Variants in SPTLC2 observed in about 807,000 individuals in gnomAD.
The protein encoded by SPTLC2 is serine palmitoyltransferase long chain base subunit 2.
In SPTLC2, 21 loss-of-function variants were observed where a neutral mutation model predicts 62.0. The ratio of observed to expected loss-of-function variants is 0.34; its 90% CI spans 0.24 to 0.49. The LOEUF (loss-of-function observed/expected upper bound fraction) is 0.49. SPTLC2 is among the 20% of genes least tolerant of loss of function. The pLI is 0.99. For missense variants in SPTLC2, 511 were observed against 713.0 expected, an observed-to-expected ratio of 0.72 and a Z score of 3.23; for synonymous variants, 261 against 261.8, an observed-to-expected ratio of 1.00 and a Z score of 0.03.
At chr14:77,545,086 T>C (rs2079520737) in intron 9 of SPTLC2, among the ~76,000 whole-genome samples, 1 of 152,148 alleles carries the variant, frequency 6.6e-6, no homozygotes, top group Non-Finnish European at 1.5e-5. Flanking sequence ...TTATCATGTT[T>C]CACAAGTGAC....
intron 4 of SPTLC2, among the ~76,000 whole-genome samples, chr14:77,575,445 C>T (rs1486773540): frequency 6.6e-6 from 1 of 152,120 alleles, no homozygotes; most frequent in Non-Finnish European, 1.5e-5. Context: ...CTGACCTTAG[C>T]GACGCTTTGG....
intron 2 of SPTLC2, among the ~76,000 whole-genome samples, chr14:77,592,927 C>T (rs918452478): frequency 6.6e-6 from 1 of 152,000 alleles, no homozygotes; most frequent in African/African-American, 2.4e-5. Context: ...CATGGTGAAA[C>T]CTTGTATCTA....
In SPTLC2 at chr14:77,576,892, C is replaced by G. The variant is rs75565823; in HGVS notation, c.506G>C (p.Gly169Ala). 7.7e-4 allele frequency: 1,239 copies of G among 1,614,028 alleles called. 12 individuals are homozygous for G. In the African/African-American group the frequency reaches 0.013, roughly 17 times the overall value. ...GTTGTAGGAACCCATGTTTATAACACCCTTTATTATATTCCCTGTATACCT... is the reference window on the plus strand; with the variant it reads ...GTTGTAGGAACCCATGTTTATAACAGCCTTTATTATATTCCCTGTATACCT... ...SFKYTGNIIK[G>A]VINMGSYNYL... Residue 169 changes from glycine to alanine, a missense_variant, in exon 4 of 12, where the codon GGT becomes GCT. Coordinates refer to ENST00000216484, the MANE Select transcript of SPTLC2 (RefSeq NM_004863.4).
chr14:77,568,070 G>A (rs1160405738), intron 5 of SPTLC2, among the ~76,000 whole-genome samples: 3 of 152,074 alleles, frequency 2.0e-5, no homozygotes, highest in Non-Finnish European at 2.9e-5. Flanking sequence ...TTTGGGATTA[G>A]GAATGCTCAA....
At chr14:77,591,191 C>A (rs925119261) in intron 2 of SPTLC2, among the ~76,000 whole-genome samples, 1 of 152,122 alleles carries the variant, frequency 6.6e-6, no homozygotes, top group Non-Finnish European at 1.5e-5. Context: ...ATACATTACG[C>A]CAAGTGAAAG....
chr14:77,536,610 C>A (rs1026027690), intron 9 of SPTLC2, among the ~76,000 whole-genome samples: 2 of 152,058 alleles, frequency 1.3e-5, no homozygotes, highest in Non-Finnish European at 2.9e-5. Flanking sequence ...TCCTTCCAGC[C>A]TATAGGCCGA....
intron 10 of SPTLC2, among the ~76,000 whole-genome samples, chr14:77,520,718 G>A (rs955317038): frequency 6.6e-5 from 10 of 152,166 alleles, no homozygotes; most frequent in Admixed American, 3.3e-4. Context: ...CTATCCTAGG[G>A]CAGGGCTTTC....
intron 1 of SPTLC2, among the ~76,000 whole-genome samples, chr14:77,598,735 C>T (rs918282728): frequency 1.3e-5 from 2 of 152,058 alleles, no homozygotes; most frequent in Non-Finnish European, 2.9e-5. Flanking sequence ...AGTTTGAGAC[C>T]AGCCTGGGCA....
intron 7 of SPTLC2, 70 bp downstream of exon 7, chr14:77,556,971 C>A: frequency 7.9e-7 from 1 of 1,258,530 alleles, no homozygotes; most frequent in Non-Finnish European, 1.2e-6. Flanking sequence ...ACTAATGTTC[C>A]CTTCAGTTAA....
At chr14:77,591,154 C>T (rs1015005641) in intron 2 of SPTLC2, among the ~76,000 whole-genome samples, 12 of 152,228 alleles carry the variant, frequency 7.9e-5, no homozygotes, top group Admixed American at 3.3e-4. Context: ...AATGAAGTAC[C>T]GATACATGCT....
intron 2 of SPTLC2, among the ~76,000 whole-genome samples, chr14:77,580,497 T>C (rs974620686): frequency 7.2e-6 from 1 of 139,380 alleles, no homozygotes; most frequent in African/African-American, 2.7e-5. Context: ...AAAAAATGGT[T>C]ATAGGAAGCC....
In SPTLC2 at chr14:77,508,885, A is replaced by G. The variant is rs1326855976; in HGVS notation, c.*3399T>C. 6.6e-6 allele frequency: 1 copy of G among 152,222 alleles called. No individual in the cohort carries two copies. The highest frequency in any genetic ancestry group is 1.5e-5 in the Non-Finnish European group (1 of 68,042). The allele number at this position is 152,222 out of a possible 1,614,324, so 9.4% of individuals were successfully genotyped here. On this transcript the variant is annotated 3_prime_UTR_variant, in exon 12 of 12. Coordinates refer to ENST00000216484, the MANE Select transcript of SPTLC2 (RefSeq NM_004863.4). Reference sequence around the variant, plus strand: ...TATCTTCAAAGCCCAGCACCACCATATATTGGTTTTCTCTAGAGTTGGAAT... The same window carrying G: ...TATCTTCAAAGCCCAGCACCACCATGTATTGGTTTTCTCTAGAGTTGGAAT...
chr14:77,614,727 T>C lies in SPTLC2; in HGVS notation c.132+1721A>G, dbSNP rs146019178. 2.1e-3 allele frequency among the ~76,000 whole-genome samples: 311 copies of C among 149,508 alleles called. 2 individuals are homozygous for C. The highest frequency in any genetic ancestry group is 3.2e-3 in the Non-Finnish European group (217 of 67,428). On this transcript the variant is annotated intron_variant, in intron 1 of 11. Coordinates refer to ENST00000216484, the MANE Select transcript of SPTLC2 (RefSeq NM_004863.4). ...CTGGTGCGCCTGTAATCCCAGCACTTTTGGAGGCCAAGGCAGGCCAATCAC... is the reference window on the plus strand; with the variant it reads ...CTGGTGCGCCTGTAATCCCAGCACTCTTGGAGGCCAAGGCAGGCCAATCAC...
chr14:77,616,460 G>T lies in SPTLC2; in HGVS notation c.120C>A (p.Ala40=). 1.3e-6 allele frequency: 2 copies of T among 1,484,860 alleles called. No homozygotes were observed. Among genetic ancestry groups the T allele is most frequent in the Non-Finnish European group, 1.8e-6 (2 of 1,123,450 alleles). The allele number at this position is 1,484,860 out of a possible 1,614,324, so 92.0% of individuals were successfully genotyped here. A position where few individuals can be genotyped will look rare whatever the true frequency, so the allele number is the denominator to read the frequency against. Residue 40 remains alanine, a synonymous_variant, in exon 1 of 12, where the codon GCC becomes GCA. Coordinates refer to ENST00000216484, the MANE Select transcript of SPTLC2 (RefSeq NM_004863.4). ...GGGCCCCTCGTACCTGGCCGGCGGC[G>T]GCTGCGGCTGCGGCTGCAGCGCTGC... ...VRSSAAAAAA[A]AAGQIHHVTQ...
chr14:77,608,400 CA>C (rs759830568), intron 1 of SPTLC2, among the ~76,000 whole-genome samples: 5 of 151,944 alleles, frequency 3.3e-5, no homozygotes, highest in African/African-American at 1.2e-4. Flanking sequence ...TAATTATCAT[CA>C]AAAAAATAGA....
At chr14:77,564,928 T>C (rs2079636270) in intron 5 of SPTLC2, among the ~76,000 whole-genome samples, 2 of 151,306 alleles carry the variant, frequency 1.3e-5, no homozygotes, top group Non-Finnish European at 2.9e-5. Context: ...ATGAGAAAAA[T>C]AGAAAAATCA....
In SPTLC2 at chr14:77,571,778, T is replaced by C. The variant is rs545532367; in HGVS notation, c.632-1270A>G. ...ACATTGTTGTGAGGATCAAAAGAGATAATACGTTTGAGCTTTTTTTCTTTT... is the reference window on the plus strand; with the variant it reads ...ACATTGTTGTGAGGATCAAAAGAGACAATACGTTTGAGCTTTTTTTCTTTT... On this transcript the variant is annotated intron_variant, in intron 4 of 11. Coordinates refer to ENST00000216484, the MANE Select transcript of SPTLC2 (RefSeq NM_004863.4). Among the ~76,000 whole-genome samples the C allele has an allele frequency of 7.4e-4, 112 of 152,228 alleles. 1 individual carries two copies. The highest frequency in any genetic ancestry group is 1.3e-3 in the Non-Finnish European group (90 of 68,016).
chr14:77,529,446 T>C (rs922683995), intron 9 of SPTLC2, among the ~76,000 whole-genome samples: 1 of 151,692 alleles, frequency 6.6e-6, no homozygotes, highest in African/African-American at 2.4e-5. Flanking sequence ...CAAGTGTTTA[T>C]AACATCAGAT....
chr14:77,613,822 G>C (rs1595023434), intron 1 of SPTLC2, among the ~76,000 whole-genome samples: 1 of 152,202 alleles, frequency 6.6e-6, no homozygotes, highest in African/African-American at 2.4e-5. Flanking sequence ...GTAGAGGTTG[G>C]AGCACAAGCA....
Sources: allele counts gnomAD v4.1 joint callset (sites outside exome capture counted in the v4.1 genomes callset), GRCh38; gene constraint gnomAD v4.1.1; transcripts MANE v1.5; gene names NCBI Gene and HGNC (gene_info 2026-07-23, HGNC 2026-07-21).